The following CSGALNACT1 variants were observed in gnomAD, a reference collection of about 807,000 sequenced individuals.
CSGALNACT1 encodes the protein beta4GalNAcT-1.
CSGALNACT1 carries 52 observed loss-of-function variants against 51.0 expected under a neutral mutation model. That is an observed-to-expected ratio of 1.02 (90% CI 0.82 to 1.29). The LOEUF (loss-of-function observed/expected upper bound fraction) is 1.29, where lower values mean the gene tolerates loss of function less well. CSGALNACT1 is among the 50% of genes most tolerant of loss of function. The probability of loss-of-function intolerance (pLI) is 0.00; values close to 1 mark genes in which losing one functional copy is unlikely to be tolerated. For missense variants in CSGALNACT1, 935 were observed against 679.2 expected, an observed-to-expected ratio of 1.38 and a Z score of -4.19; for synonymous variants, 341 against 254.4, an observed-to-expected ratio of 1.34 and a Z score of -3.24.
intron 9 of CSGALNACT1, 99 bp from the exon 9 acceptor site, chr8:19,406,168 G>A (rs2054132360): frequency 2.9e-6 from 4 of 1,373,198 alleles, no homozygotes; most frequent in Admixed American, 1.7e-5. Context: ...CATGACTGGG[G>A]GGGATGCGTG....
At chr8:19,681,821 C>G (rs2060642193) in intron 1 of CSGALNACT1, among the ~76,000 whole-genome samples, 1 of 152,206 alleles carries the variant, frequency 6.6e-6, no homozygotes. Flanking sequence ...CACACCTTCT[C>G]TAGCCACACC....
chr8:19,421,870 G>C (rs2058006200), intron 6 of CSGALNACT1, among the ~76,000 whole-genome samples: 1 of 152,096 alleles, frequency 6.6e-6, no homozygotes, highest in South Asian at 2.1e-4. Context: ...TTTCAGATTT[G>C]GATCAGGTTA....
upstream of CSGALNACT1, among the ~76,000 whole-genome samples, chr8:19,604,600 T>C (rs1454944720): frequency 5.9e-5 from 9 of 152,076 alleles, no homozygotes; most frequent in Admixed American, 3.9e-4. Flanking sequence ...CCTTCATGTA[T>C]GATTCTTTGA....
chr8:19,662,064 ACCCCCCCCCACCCC>A (rs2058792705), intron 1 of CSGALNACT1, among the ~76,000 whole-genome samples: 7 of 37,112 alleles, frequency 1.9e-4, no homozygotes, highest in African/African-American at 7.0e-4. Flanking sequence ...AGTTGCCCCC[ACCCCCCCCCACCCC>A]CCCCCCCCCC....
At chr8:19,505,531 C>G (rs201825362) in exon 4 of CSGALNACT1, 1 of 1,613,986 alleles carries the variant, frequency 6.2e-7, no homozygotes, top group East Asian at 2.2e-5. Flanking sequence ...CCAGCAGCAT[C>G]GCTGGCTTGG....
chr8:19,518,980 A>G (rs58592516), intron 3 of CSGALNACT1, among the ~76,000 whole-genome samples: 1,794 of 152,330 alleles, frequency 0.012, 40 homozygotes, highest in African/African-American at 0.041. Context: ...TGATCCTTGT[A>G]CATTATGAGC....
intron 4 of CSGALNACT1, among the ~76,000 whole-genome samples, chr8:19,470,953 G>T (rs543881418): frequency 3.9e-4 from 59 of 152,098 alleles, no homozygotes; most frequent in African/African-American, 1.4e-3. Context: ...AAAATTAGCT[G>T]GGCGTGGTGG....
intron 1 of CSGALNACT1, among the ~76,000 whole-genome samples, chr8:19,725,109 C>CA (rs1197538445): frequency 6.6e-6 from 1 of 152,148 alleles, no homozygotes; most frequent in African/African-American, 2.4e-5. Context: ...CATCCTTACC[C>CA]AAAAAAACTA....
chr8:19,640,583 TAAC>T (rs1177309922), intron 1 of CSGALNACT1, among the ~76,000 whole-genome samples: 1 of 152,148 alleles, frequency 6.6e-6, no homozygotes, highest in African/African-American at 2.4e-5. Context: ...CATAAGAAAA[TAAC>T]AACATTAATT....
intron 1 of CSGALNACT1, among the ~76,000 whole-genome samples, chr8:19,708,467 T>C (rs2062311388): frequency 1.3e-5 from 2 of 152,278 alleles, no homozygotes; most frequent in Admixed American, 1.3e-4. Context: ...CGGCACACTG[T>C]GGAGGGGAGG....
chr8:19,709,106 T>C (rs1238932341), intron 1 of CSGALNACT1, among the ~76,000 whole-genome samples: 2 of 152,152 alleles, frequency 1.3e-5, no homozygotes, highest in African/African-American at 2.4e-5. Flanking sequence ...GAGGGCAAGA[T>C]CAGGAAACAG....
At chr8:19,577,970 G>A (rs6586845) in intron 3 of CSGALNACT1, among the ~76,000 whole-genome samples, 4,676 of 152,220 alleles carry the variant, frequency 0.031, 248 homozygotes, top group African/African-American at 0.11. Flanking sequence ...GTTGGCATGC[G>A]GAATAACTGG....
At chr8:19,496,178 C>T (rs1398171567) in intron 4 of CSGALNACT1, among the ~76,000 whole-genome samples, 1 of 152,164 alleles carries the variant, frequency 6.6e-6, no homozygotes, top group Non-Finnish European at 1.5e-5. Context: ...AAGGGCCCAA[C>T]ACTACTCATA....
chr8:19,706,562 C>T (rs2062178069), intron 1 of CSGALNACT1, among the ~76,000 whole-genome samples: 2 of 152,156 alleles, frequency 1.3e-5, no homozygotes, highest in Admixed American at 6.5e-5. Context: ...TCTCTTTAGC[C>T]TCCAACCACA....
Position 19,463,086 on chromosome 8 carries a change from G to C in CSGALNACT1, c.635-4444C>G, listed in dbSNP as rs750543140. On this transcript the variant is annotated intron_variant, in intron 4 of 9. Transcript: ENST00000454498. ...TGAGAACATGTGTTATTTGGTTTCC[G>C]GTTTCTGCATTCACTTAGAATAACG... Among the ~76,000 whole-genome samples, 38 of 152,040 alleles carry C rather than the reference G, an allele frequency of 2.5e-4. 1 individual carries two copies. Among genetic ancestry groups the C allele is most frequent in the Admixed American group, 2.4e-3 (37 of 15,264 alleles).
At chr8:19,525,904 T>C (rs1280966699) in intron 3 of CSGALNACT1, among the ~76,000 whole-genome samples, 1 of 152,174 alleles carries the variant, frequency 6.6e-6, no homozygotes, top group Non-Finnish European at 1.5e-5. Context: ...GCTGCTCCAC[T>C]GCTCTGTCCT....
intron 1 of CSGALNACT1, among the ~76,000 whole-genome samples, chr8:19,653,087 G>A (rs568454971): frequency 4.0e-4 from 61 of 152,078 alleles, no homozygotes; most frequent in Non-Finnish European, 8.5e-4. Flanking sequence ...TGAACCCACT[G>A]CCACAGTTCG....
intron 3 of CSGALNACT1, among the ~76,000 whole-genome samples, chr8:19,589,420 G>A (rs1483122680): frequency 6.6e-6 from 1 of 152,180 alleles, no homozygotes; most frequent in African/African-American, 2.4e-5. Flanking sequence ...CCGTCTCCCA[G>A]GTTCAAACAA....
At chr8:19,683,592 A>G (rs996447848), upstream of CSGALNACT1, among the ~76,000 whole-genome samples, 1 of 152,196 alleles carries the variant, frequency 6.6e-6, no homozygotes, top group African/African-American at 2.4e-5. Context: ...AAAATTTGCC[A>G]AAAACACACA....
Sources: gnomAD v4.1 joint callset for allele counts (sites outside exome capture counted in the v4.1 genomes callset) on GRCh38, gnomAD v4.1.1 for gene constraint, MANE v1.5 for transcripts, NCBI Gene and HGNC (gene_info 2026-07-23, HGNC 2026-07-21) for gene names.